MACROD2: variants seen among roughly 807,000 people sequenced by gnomAD.
MACROD2 encodes the protein mono-ADP ribosylhydrolase 2.
A neutral mutation model predicts 70.4 loss-of-function variants in MACROD2; 36 were observed. The ratio of observed to expected loss-of-function variants is 0.51; its 90% CI spans 0.39 to 0.68. The LOEUF (loss-of-function observed/expected upper bound fraction) is 0.68. Ranked by LOEUF, MACROD2 falls within the 30% of genes least tolerant of loss-of-function variation. The probability of loss-of-function intolerance (pLI) is 0.00; values close to 1 mark genes in which losing one functional copy is unlikely to be tolerated. For synonymous variants in MACROD2, 172 were observed against 178.8 expected, an observed-to-expected ratio of 0.96 and a Z score of 0.30; for missense variants, 496 against 538.4, an observed-to-expected ratio of 0.92 and a Z score of 0.78.
At chr20:14,662,313 C>T (rs1450364641) in intron 4 of MACROD2, among the ~76,000 whole-genome samples, 2 of 152,098 alleles carry the variant, frequency 1.3e-5, no homozygotes, top group Non-Finnish European at 2.9e-5. Context: ...GGACCCCTTC[C>T]TTTCACCATA....
At position 14,497,983 on chromosome 20, in the gene MACROD2, C is replaced by T. The variant is rs564161231; in HGVS notation, c.301+4475C>T. 2.6e-5 allele frequency among the ~76,000 whole-genome samples: 4 copies of T among 151,784 alleles called. No individual in the cohort carries two copies. The South Asian group carries it at 8.3e-4, about 31-fold the overall frequency. On this transcript the variant is annotated intron_variant, in intron 4 of 17. Transcript: ENST00000684519. ...CCACCTCTGATGGCTTCCTGCTCTCCTTCTGCCCCTTAGAGTAGGCCCAAA... is the reference window on the plus strand; with the variant it reads ...CCACCTCTGATGGCTTCCTGCTCTCTTTCTGCCCCTTAGAGTAGGCCCAAA...
At chr20:15,310,837 A>G (rs1283758514) in intron 6 of MACROD2, among the ~76,000 whole-genome samples, 1 of 152,176 alleles carries the variant, frequency 6.6e-6, no homozygotes, top group Non-Finnish European at 1.5e-5. Context: ...CCAAACAGGA[A>G]GATCAACTAT....
chr20:15,538,793 G>T (rs959230651), intron 8 of MACROD2, among the ~76,000 whole-genome samples: 2 of 152,026 alleles, frequency 1.3e-5, no homozygotes, highest in Non-Finnish European at 2.9e-5. Context: ...ACTGTAGTTT[G>T]AATATAAAGA....
rs1448942801 is a variant in MACROD2 at position 15,317,492 on chromosome 20, TC to T, written c.540+87432del. On this transcript the variant is annotated intron_variant, in intron 6 of 17. Transcript: ENST00000684519. ...TCTGTCCATCCATCTAATCTATCTA[TC>T]TATCTATCTATCTATCTATCTATCT... Among the ~76,000 whole-genome samples, 765 of 141,792 alleles carry T rather than the reference TC, an allele frequency of 5.4e-3. 2 individuals carry two copies. The highest frequency in any genetic ancestry group is 0.021 in the Middle Eastern group (6 of 282). The allele number at this position is 141,792 out of a possible 152,430, so 93.0% of individuals were successfully genotyped here. A position where few individuals can be genotyped will look rare whatever the true frequency, so the allele number is the denominator to read the frequency against.
chr20:15,069,633 C>T (rs1390974023), intron 5 of MACROD2, among the ~76,000 whole-genome samples: 1 of 152,202 alleles, frequency 6.6e-6, no homozygotes, highest in Non-Finnish European at 1.5e-5. Flanking sequence ...GCTATAAGGG[C>T]CCCAGGTACA....
intron 8 of MACROD2, among the ~76,000 whole-genome samples, chr20:15,643,895 G>A (rs935783507): frequency 6.6e-6 from 1 of 152,056 alleles, no homozygotes; most frequent in African/African-American, 2.4e-5. Flanking sequence ...CCATCCTCAC[G>A]GTCTTAAGAT....
intron 8 of MACROD2, 73 bp from the exon 9 acceptor site, chr20:15,862,672 T>A (rs2064440492): frequency 1.4e-5 from 17 of 1,234,734 alleles, no homozygotes; most frequent in Non-Finnish European, 2.0e-5. Context: ...TTTGTTTTTG[T>A]TCTACGGCTA....
At chr20:14,542,290 A>T (rs889018230) in intron 4 of MACROD2, among the ~76,000 whole-genome samples, 1 of 152,234 alleles carries the variant, frequency 6.6e-6, no homozygotes, top group African/African-American at 2.4e-5. Context: ...GCATCACTTC[A>T]TGTGCTGCTC....
intron 5 of MACROD2, among the ~76,000 whole-genome samples, chr20:14,840,936 G>A (rs998194506): frequency 6.6e-5 from 10 of 152,064 alleles, no homozygotes; most frequent in Non-Finnish European, 1.2e-4. Context: ...TTCATCAGAT[G>A]TTCCATAATA....
At chr20:15,374,493 G>C (rs1357637689) in intron 6 of MACROD2, among the ~76,000 whole-genome samples, 1 of 151,908 alleles carries the variant, frequency 6.6e-6, no homozygotes, top group African/African-American at 2.4e-5. Flanking sequence ...ATCTTTACAT[G>C]TTTACCTTCC....
intron 5 of MACROD2, among the ~76,000 whole-genome samples, chr20:15,024,263 A>G (rs13039756): frequency 6.6e-6 from 1 of 152,162 alleles, no homozygotes; most frequent in Non-Finnish European, 1.5e-5. Flanking sequence ...AATCCTTAAA[A>G]TTTCTCTTTG....
chr20:14,786,013 CAT>C (rs1491329584), intron 5 of MACROD2, among the ~76,000 whole-genome samples: 1 of 152,016 alleles, frequency 6.6e-6, no homozygotes, highest in African/African-American at 2.4e-5. Flanking sequence ...GATGAAAATG[CAT>C]ATTATAAAAA....
At chr20:15,366,502 G>A (rs1257700915) in intron 6 of MACROD2, among the ~76,000 whole-genome samples, 1 of 151,960 alleles carries the variant, frequency 6.6e-6, no homozygotes. Flanking sequence ...TTTCTTTCTG[G>A]CCCTTATTGT....
At chr20:14,693,691 T>C (rs931610269) in intron 5 of MACROD2, among the ~76,000 whole-genome samples, 5 of 152,166 alleles carry the variant, frequency 3.3e-5, no homozygotes, top group South Asian at 2.1e-4. Flanking sequence ...GAATGTAAGA[T>C]TGATTCTGTG....
At chr20:15,589,327 C>T (rs1001533953) in intron 8 of MACROD2, among the ~76,000 whole-genome samples, 1 of 152,126 alleles carries the variant, frequency 6.6e-6, no homozygotes, top group Non-Finnish European at 1.5e-5. Flanking sequence ...CACAGCCAAA[C>T]CATATCAAAT....
At chr20:15,509,639 G>A (rs954974063) in intron 8 of MACROD2, among the ~76,000 whole-genome samples, 1 of 152,330 alleles carries the variant, frequency 6.6e-6, no homozygotes, top group South Asian at 2.1e-4. Context: ...TAGAAGTAGA[G>A]TGGTAAGAGG....
At chr20:14,512,743 A>T (rs1435256848) in intron 4 of MACROD2, among the ~76,000 whole-genome samples, 1 of 152,042 alleles carries the variant, frequency 6.6e-6, no homozygotes, top group African/African-American at 2.4e-5. Context: ...CGTGCCTCAC[A>T]TTATGCAGTC....
chr20:15,842,712 G>GGACA (rs1555786008), intron 8 of MACROD2, among the ~76,000 whole-genome samples: 1 of 141,584 alleles, frequency 7.1e-6, no homozygotes, highest in Non-Finnish European at 1.5e-5. Context: ...GTGGGTGGAT[G>GGACA]GATAGATAGA....
chr20:15,666,523 A>AT (rs1001476991), intron 8 of MACROD2, among the ~76,000 whole-genome samples: 1 of 151,880 alleles, frequency 6.6e-6, no homozygotes, highest in African/African-American at 2.4e-5. Context: ...AAATTTATGT[A>AT]TTTTTTTTCT....
Sources: gnomAD v4.1 joint callset for allele counts (sites outside exome capture counted in the v4.1 genomes callset) on GRCh38, gnomAD v4.1.1 for gene constraint, MANE v1.5 for transcripts, NCBI Gene and HGNC (gene_info 2026-07-23, HGNC 2026-07-21) for gene names.